The following EPRS1 variants were observed in gnomAD, a reference collection of about 807,000 sequenced individuals.
EPRS1 encodes bifunctional glutamate/proline--tRNA ligase.
EPRS1 carries 107 observed loss-of-function variants against 188.3 expected under a neutral mutation model. The observed-to-expected ratio is 0.57, with a 90% confidence interval of 0.49 to 0.67. EPRS1 has a LOEUF of 0.67. Ranked by LOEUF, EPRS1 falls within the 30% of genes least tolerant of loss-of-function variation. EPRS1 has a pLI of 0.00. For missense variants in EPRS1, 1,577 were observed against 1,802.2 expected (o/e 0.88, Z 2.26); for synonymous variants, 596 against 593.1 (o/e 1.00, Z -0.07).
intron 4 of EPRS1, among the ~76,000 whole-genome samples, 159 bp downstream of exon 4, chr1:220,033,343 C>T (rs1662120109): frequency 6.6e-6 from 1 of 152,102 alleles, no homozygotes; most frequent in South Asian, 2.1e-4. Flanking sequence ...AATAAAACAG[C>T]CAGGGAGGTC....
intron 27 of EPRS1, among the ~76,000 whole-genome samples, chr1:219,979,101 C>T (rs10157133): frequency 0.012 from 1,796 of 152,292 alleles, 43 homozygotes; most frequent in African/African-American, 0.039. Context: ...GCAATCTGCC[C>T]GCCTTGGCGT....
chr1:219,975,908 G>T (rs1331712882), intron 28 of EPRS1, among the ~76,000 whole-genome samples: 3 of 152,112 alleles, frequency 2.0e-5, no homozygotes, highest in Non-Finnish European at 4.4e-5. Context: ...GAAGGCCCGG[G>T]AGAAGTGATA....
chr1:220,034,599 G>A (rs1662142094), intron 3 of EPRS1, among the ~76,000 whole-genome samples: 2 of 152,204 alleles, frequency 1.3e-5, no homozygotes, highest in Admixed American at 1.3e-4. Context: ...CGTAAAGTAA[G>A]AAAGTTGGAT....
Position 219,987,143 on chromosome 1 carries a change from T to C in EPRS1, c.3037A>G (p.Arg1013Gly), listed in dbSNP as rs753519089. 2 of 1,600,456 alleles carry C rather than the reference T, an allele frequency of 1.2e-6. No homozygotes were observed. Among genetic ancestry groups the C allele is most frequent in the South Asian group, 1.1e-5 (1 of 87,910 alleles). ...GEGQGPKKQT[R>G]LGLEAKKEEN... Reference sequence around the variant, plus strand: ...AATGAAGTTTCTGCGATTCATTACCTGGTCTGTTTCTTAGGCCCCTGCCCT... The same window carrying C: ...AATGAAGTTTCTGCGATTCATTACCCGGTCTGTTTCTTAGGCCCCTGCCCT... The change falls in exon 20 of 32, where the codon AGG (arginine) becomes GGG (glycine). Residue 1013 changes from arginine (R) to glycine (G), a missense_variant and splice_region_variant. Around this residue, in one of 3 missense-constraint regions of EPRS1, gnomAD observed 1,278 missense variants for 1,457.4 expected, o/e 0.88. Transcript: ENST00000366923.
intron 16 of EPRS1, among the ~76,000 whole-genome samples, chr1:220,002,584 G>A (rs1024619996): frequency 1.3e-5 from 2 of 151,980 alleles, no homozygotes; most frequent in African/African-American, 2.4e-5. Context: ...TTAAGGGTGG[G>A]TATGGTGGCT....
intron 20 of EPRS1, among the ~76,000 whole-genome samples, chr1:219,986,880 C>A (rs1423830630): frequency 6.6e-6 from 1 of 151,992 alleles, no homozygotes; most frequent in Non-Finnish European, 1.5e-5. Context: ...TGGCTACTGA[C>A]TGATTACGGT....
At chr1:220,044,681 CAAAAAAAAAAAAA>C (rs71560597) in intron 1 of EPRS1, among the ~76,000 whole-genome samples, 30 of 88,344 alleles carry the variant, frequency 3.4e-4, no homozygotes, top group East Asian at 2.8e-3. Context: ...GCTCGGTCTC[CAAAAAAAAAAAAA>C]AAAAAAAAAA....
Position 220,019,364 on chromosome 1 carries a change from A to G in EPRS1, c.1350-285T>C, listed in dbSNP as rs1190406490. On this transcript the variant is annotated intron_variant, in intron 10 of 31. Coordinates refer to ENST00000366923, the MANE Select transcript of EPRS1 (RefSeq NM_004446.3). ...TGACATTTTCAAATATGGAAATCCC[A>G]TGCATTCATACATTTTTATTTATCA... Among the ~76,000 whole-genome samples the G allele has an allele frequency of 2.6e-5, 4 of 152,230 alleles. No homozygotes were observed. The East Asian group carries it at 7.7e-4, about 29-fold the overall frequency.
intron 20 of EPRS1, 56 bp from the exon 21 acceptor site, chr1:219,984,313 G>T: frequency 8.0e-7 from 1 of 1,246,708 alleles, no homozygotes; most frequent in Non-Finnish European, 1.2e-6. Context: ...GCTTTAGGTT[G>T]AATAAAAATA....
intron 2 of EPRS1, among the ~76,000 whole-genome samples, chr1:220,037,608 G>C (rs1412368380): frequency 6.6e-6 from 1 of 150,958 alleles, no homozygotes; most frequent in East Asian, 1.9e-4. Flanking sequence ...AAAATAGAGA[G>C]AAAAACATTT....
intron 23 of EPRS1, 197 bp downstream of exon 23, chr1:219,982,575 T>C (rs916229304): frequency 9.9e-6 from 4 of 405,256 alleles, no homozygotes; most frequent in African/African-American, 6.2e-5. Flanking sequence ...AATTTAATGA[T>C]AAGGAGCTCT....
intron 12 of EPRS1, chr1:220,018,121 A>T: frequency 9.8e-6 from 13 of 1,325,318 alleles, no homozygotes; most frequent in Non-Finnish European, 1.3e-5. Context: ...AGCATTAAGT[A>T]ATACCTTCTT....
intron 28 of EPRS1, among the ~76,000 whole-genome samples, chr1:219,977,965 A>G (rs965945721): frequency 5.3e-5 from 8 of 152,194 alleles, no homozygotes; most frequent in Non-Finnish European, 1.2e-4. Flanking sequence ...TAAGAAAAAA[A>G]TGTTGTAAGT....
chr1:219,998,614 C>T (rs2102575171), intron 17 of EPRS1, among the ~76,000 whole-genome samples: 1 of 150,046 alleles, frequency 6.7e-6, no homozygotes, highest in South Asian at 2.1e-4. Context: ...GTGATCTCAG[C>T]TCACTGAAAC....
intron 26 of EPRS1, 147 bp from the exon 27 acceptor site, chr1:219,979,762 T>C: frequency 1.6e-6 from 1 of 639,598 alleles, no homozygotes; most frequent in Non-Finnish European, 2.7e-6. Context: ...ATTATAAGCA[T>C]AATTACCATA....
chr1:219,969,184 G>A, intron 30 of EPRS1, 62 bp from the exon 31 acceptor site: 1 of 1,167,378 alleles, frequency 8.6e-7, no homozygotes, highest in Non-Finnish European at 1.3e-6. Context: ...TCTGCAGAAG[G>A]AACATTTGAG....
At chr1:220,029,902 G>A (rs1190679494) in intron 6 of EPRS1, among the ~76,000 whole-genome samples, 2 of 152,164 alleles carry the variant, frequency 1.3e-5, no homozygotes, top group African/African-American at 2.4e-5. Flanking sequence ...GGTGCCAAGA[G>A]ATGAAGGGGT....
intron 29 of EPRS1, 71 bp downstream of exon 29, chr1:219,973,167 A>C (rs937875537): frequency 4.3e-6 from 6 of 1,390,848 alleles, no homozygotes; most frequent in African/African-American, 2.9e-5. Flanking sequence ...AACCCCAAAA[A>C]TTCCTTGGTA....
chr1:220,045,719 C>A (rs952805216), intron 1 of EPRS1, among the ~76,000 whole-genome samples: 1 of 152,114 alleles, frequency 6.6e-6, no homozygotes, highest in African/African-American at 2.4e-5. Flanking sequence ...TAAAAGCAAC[C>A]GCATCAGTCT....
Sources: allele counts gnomAD v4.1 joint callset (sites outside exome capture counted in the v4.1 genomes callset), GRCh38; gene constraint gnomAD v4.1.1; regional missense constraint gnomAD v4.1.1; transcripts MANE v1.5; gene names NCBI Gene and HGNC (gene_info 2026-07-23, HGNC 2026-07-21).